Variants in NDST4 observed in about 807,000 individuals in gnomAD.
NDST4 encodes the protein N-deacetylase and N-sulfotransferase 4.
Under a neutral mutation model 100.8 loss-of-function variants are expected in NDST4, and 63 were observed. The ratio of observed to expected loss-of-function variants is 0.62; its 90% CI spans 0.51 to 0.77. The LOEUF (loss-of-function observed/expected upper bound fraction) is 0.77. NDST4 is among the 30% of genes least tolerant of loss of function. The pLI is 0.00. For missense variants in NDST4, 943 were observed against 1,018.4 expected (o/e 0.93, Z 1.01); for synonymous variants, 377 against 361.8 (o/e 1.04, Z -0.48).
At chr4:114,917,754 C>G (rs1435869003) in intron 6 of NDST4, among the ~76,000 whole-genome samples, 1 of 152,192 alleles carries the variant, frequency 6.6e-6, no homozygotes, top group Non-Finnish European at 1.5e-5. Context: ...CACGGTAGCT[C>G]TGCTACTCAC....
intron 4 of NDST4, among the ~76,000 whole-genome samples, chr4:114,959,032 G>T (rs1726202119): frequency 6.6e-6 from 1 of 151,856 alleles, no homozygotes; most frequent in South Asian, 2.1e-4. Context: ...CTAGGGCAGG[G>T]GCAAAATGTC....
At chr4:114,957,870 C>T (rs1380586382) in intron 4 of NDST4, among the ~76,000 whole-genome samples, 2 of 152,206 alleles carry the variant, frequency 1.3e-5, no homozygotes, top group Non-Finnish European at 2.9e-5. Flanking sequence ...CCATGTCTCA[C>T]ATCCAGATCA....
chr4:115,058,207 C>G (rs936278661), intron 2 of NDST4, among the ~76,000 whole-genome samples: 2 of 152,222 alleles, frequency 1.3e-5, no homozygotes, highest in Non-Finnish European at 2.9e-5. Context: ...TCATAGCTAT[C>G]CAACCACCTA....
chr4:115,076,027 CA>C (rs755516791), intron 2 of NDST4, 31 bp downstream of exon 2: 1 of 1,561,194 alleles, frequency 6.4e-7, no homozygotes, highest in Non-Finnish European at 8.6e-7. Flanking sequence ...TTGTGAAATA[CA>C]AATTTCGATG....
rs1207491451 is a variant in NDST4, at chr4:114,863,998, T to C, written c.1719+6770A>G. Among the ~76,000 whole-genome samples, 3 of 152,214 alleles carry C rather than the reference T, an allele frequency of 2.0e-5. No homozygotes were observed. The East Asian group carries it at 5.8e-4, about 30-fold the overall frequency. Reference sequence around the variant, plus strand: ...GAATATCATACCATTTACCTTATTATAATTCCATATTTTTATAGGATGCAT... The same window carrying C: ...GAATATCATACCATTTACCTTATTACAATTCCATATTTTTATAGGATGCAT... On this transcript the variant is annotated intron_variant, in intron 7 of 13. Transcript: ENST00000264363.
chr4:114,903,006 T>G (rs1724878247), intron 6 of NDST4, among the ~76,000 whole-genome samples: 1 of 152,128 alleles, frequency 6.6e-6, no homozygotes, highest in African/African-American at 2.4e-5. Flanking sequence ...CTAGTTTAAC[T>G]GGTAGATTCC....
At chr4:114,998,048 A>G (rs1727204264) in intron 2 of NDST4, among the ~76,000 whole-genome samples, 1 of 152,064 alleles carries the variant, frequency 6.6e-6, no homozygotes, top group Admixed American at 6.6e-5. Context: ...TCTAAGTAGT[A>G]TGGCTAATGG....
chr4:114,933,268 C>T (rs1038258953), intron 6 of NDST4, among the ~76,000 whole-genome samples: 4 of 151,926 alleles, frequency 2.6e-5, no homozygotes, highest in Admixed American at 6.6e-5. Flanking sequence ...CTGAATATCC[C>T]CATACAGAAG....
At chr4:114,981,362 T>G (rs574724726) in intron 2 of NDST4, among the ~76,000 whole-genome samples, 1 of 152,206 alleles carries the variant, frequency 6.6e-6, no homozygotes, top group Non-Finnish European at 1.5e-5. Flanking sequence ...TTATTATGTG[T>G]ACAATTTTCT....
chr4:114,933,917 T>A (rs1725569133), intron 6 of NDST4, among the ~76,000 whole-genome samples: 1 of 152,130 alleles, frequency 6.6e-6, no homozygotes, highest in Admixed American at 6.5e-5. Flanking sequence ...AAATATAAAT[T>A]ACTTCATATT....
At chr4:114,915,535 G>T (rs1243054216) in intron 6 of NDST4, among the ~76,000 whole-genome samples, 2 of 152,038 alleles carry the variant, frequency 1.3e-5, no homozygotes, top group Admixed American at 6.6e-5. Flanking sequence ...TTTTTATTGG[G>T]CAGTGACAAA....
intron 6 of NDST4, among the ~76,000 whole-genome samples, chr4:114,896,847 C>A (rs1724725805): frequency 6.6e-6 from 1 of 152,104 alleles, no homozygotes; most frequent in African/African-American, 2.4e-5. Context: ...GTCACCTTCT[C>A]TTTATGTTTC....
intron 2 of NDST4, among the ~76,000 whole-genome samples, chr4:115,032,371 C>T (rs1728134346): frequency 6.6e-6 from 1 of 152,064 alleles, no homozygotes; most frequent in African/African-American, 2.4e-5. Flanking sequence ...AAGAACTAAT[C>T]TCCATTTTTG....
Position 114,977,518 on chromosome 4 carries a change from T to C in NDST4, c.979-244A>G, listed in dbSNP as rs1004501363. 2.0e-5 allele frequency among the ~76,000 whole-genome samples: 3 copies of C among 152,096 alleles called. No homozygotes were observed. In the South Asian group the frequency reaches 6.2e-4, roughly 31 times the overall value. ...CACATTTTGCATTGCTGAGAGGCAATTGTCCAACTCCACAGCACTGAAATC... is the reference window on the plus strand; with the variant it reads ...CACATTTTGCATTGCTGAGAGGCAACTGTCCAACTCCACAGCACTGAAATC... On this transcript the variant is annotated intron_variant, in intron 2 of 13. Coordinates refer to ENST00000264363, the MANE Select transcript of NDST4 (RefSeq NM_022569.3).
intron 1 of NDST4, among the ~76,000 whole-genome samples, chr4:115,097,668 A>G (rs1345513589): frequency 3.9e-5 from 6 of 152,022 alleles, no homozygotes; most frequent in African/African-American, 1.4e-4. Flanking sequence ...TTCCCAATAC[A>G]TTGACCAGGG....
chr4:115,072,349 AT>A (rs1204433281), intron 2 of NDST4, among the ~76,000 whole-genome samples: 1 of 152,080 alleles, frequency 6.6e-6, no homozygotes, highest in African/African-American at 2.4e-5. Context: ...ATAGAAAAAA[AT>A]TTTTAAAAGA....
At chr4:115,063,486 G>A (rs1440710506) in intron 2 of NDST4, among the ~76,000 whole-genome samples, 1 of 151,846 alleles carries the variant, frequency 6.6e-6, no homozygotes, top group Non-Finnish European at 1.5e-5. Flanking sequence ...GGCACCATGT[G>A]TATTTCTATA....
At chr4:114,981,857 C>T (rs1246013950) in intron 2 of NDST4, among the ~76,000 whole-genome samples, 16 of 152,108 alleles carry the variant, frequency 1.1e-4, no homozygotes, top group Admixed American at 1.0e-3. Flanking sequence ...TGTGTCCCAA[C>T]CCAAATCTCA....
rs550865123 is a variant in NDST4, at chr4:115,095,201, C to T, written c.-246-17919G>A. ...CCTTCATTATGCCATTTATCCCCGGCCATATCAGTTACCAAAGACACTCAG... is the reference window on the plus strand; with the variant it reads ...CCTTCATTATGCCATTTATCCCCGGTCATATCAGTTACCAAAGACACTCAG... On this transcript the variant is annotated intron_variant, in intron 1 of 13. Coordinates refer to ENST00000264363, the MANE Select transcript of NDST4 (RefSeq NM_022569.3). Among the ~76,000 whole-genome samples the T allele has an allele frequency of 2.0e-5, 3 of 152,174 alleles. No homozygotes were observed. The South Asian group carries it at 6.2e-4, about 32-fold the overall frequency.
Sources: gnomAD v4.1 joint callset for allele counts (sites outside exome capture counted in the v4.1 genomes callset) on GRCh38, gnomAD v4.1.1 for gene constraint, MANE v1.5 for transcripts, NCBI Gene and HGNC (gene_info 2026-07-23, HGNC 2026-07-21) for gene names.